NPAS3: variants seen among roughly 807,000 people sequenced by gnomAD.
NPAS3 encodes neuronal PAS domain-containing protein 3.
Under a neutral mutation model 73.1 loss-of-function variants are expected in NPAS3, and 14 were observed. That is an observed-to-expected ratio of 0.19 (90% CI 0.13 to 0.30). NPAS3 has a LOEUF of 0.30. Among genes scored for constraint, NPAS3 ranks in the 10% least tolerant of loss-of-function variants. The pLI is 1.00. For synonymous variants in NPAS3, 620 were observed against 541.5 expected, an observed-to-expected ratio of 1.14 and a Z score of -2.01; for missense variants, 1,096 against 1,250.0, an observed-to-expected ratio of 0.88 and a Z score of 1.86.
chr14:32,945,884 A>G (rs1244935108), intron 1 of NPAS3, among the ~76,000 whole-genome samples: 2 of 152,226 alleles, frequency 1.3e-5, no homozygotes, highest in Non-Finnish European at 2.9e-5. Context: ...GAGTGGTGCC[A>G]GAAGAATCAG....
At chr14:33,707,713 G>A (rs1408383658) in intron 6 of NPAS3, among the ~76,000 whole-genome samples, 2 of 152,116 alleles carry the variant, frequency 1.3e-5, no homozygotes, top group Non-Finnish European at 2.9e-5. Flanking sequence ...GGAGAAGGAA[G>A]AATAAATTCA....
intron 2 of NPAS3, among the ~76,000 whole-genome samples, chr14:33,183,421 G>GGTTTTT (rs2045868671): frequency 1.6e-5 from 1 of 60,764 alleles, no homozygotes; most frequent in African/African-American, 9.6e-5. Context: ...GTGAGACTCT[G>GGTTTTT]TTTTTTTTTT....
At chr14:33,335,039 T>TGC (rs142673312) in intron 3 of NPAS3, among the ~76,000 whole-genome samples, 65,559 of 142,872 alleles carry the variant, frequency 0.46, 14,740 homozygotes, top group Admixed American at 0.5. Flanking sequence ...ATTGTGTGTG[T>TGC]GTGCGTGTGT....
chr14:32,938,469 G>GAGAGAGAGAAAT (rs2035777769), upstream of NPAS3, among the ~76,000 whole-genome samples: 6 of 124,568 alleles, frequency 4.8e-5, no homozygotes, highest in South Asian at 2.9e-4. Context: ...GAGAGAGAGA[G>GAGAGAGAGAAAT]AGAGAGAGAG....
chr14:32,960,155 A>G (rs1212689597), intron 1 of NPAS3, among the ~76,000 whole-genome samples: 1 of 152,086 alleles, frequency 6.6e-6, no homozygotes, highest in African/African-American at 2.4e-5. Context: ...ATCACCCGAG[A>G]GGGTTTACTT....
chr14:33,398,247 C>A (rs1286932364), intron 4 of NPAS3, among the ~76,000 whole-genome samples: 1 of 151,500 alleles, frequency 6.6e-6, no homozygotes, highest in Non-Finnish European at 1.5e-5. Context: ...ATGAAGCAAA[C>A]AGCATGCCAC....
intron 3 of NPAS3, among the ~76,000 whole-genome samples, chr14:33,346,249 G>A (rs2044724552): frequency 6.7e-6 from 1 of 149,102 alleles, no homozygotes; most frequent in African/African-American, 2.5e-5. Context: ...AGTTGATTCC[G>A]GTGGTACAGT....
At chr14:33,125,441 T>A (rs908561856) in intron 2 of NPAS3, among the ~76,000 whole-genome samples, 1 of 152,108 alleles carries the variant, frequency 6.6e-6, no homozygotes, top group Non-Finnish European at 1.5e-5. Context: ...AATGAGATTT[T>A]TTTTTCCTGA....
At chr14:33,212,300 G>C (rs1175802165) in intron 2 of NPAS3, among the ~76,000 whole-genome samples, 2 of 152,112 alleles carry the variant, frequency 1.3e-5, no homozygotes, top group Non-Finnish European at 2.9e-5. Flanking sequence ...CATTCTGAAA[G>C]TCTTCTAAAC....
intron 5 of NPAS3, among the ~76,000 whole-genome samples, chr14:33,577,851 G>A (rs759095815): frequency 1.6e-4 from 25 of 152,194 alleles, no homozygotes; most frequent in Non-Finnish European, 2.5e-4. Flanking sequence ...TAGTCCTTAC[G>A]ACAGCTTGAA....
intron 1 of NPAS3, among the ~76,000 whole-genome samples, chr14:32,961,400 A>C (rs2036910341): frequency 6.7e-6 from 1 of 148,826 alleles, no homozygotes; most frequent in Non-Finnish European, 1.5e-5. Flanking sequence ...ACAGAGCAAG[A>C]CTTCATCTCA....
intron 7 of NPAS3, among the ~76,000 whole-genome samples, chr14:33,759,880 A>G (rs2062229732): frequency 6.6e-6 from 1 of 152,258 alleles, no homozygotes; most frequent in Non-Finnish European, 1.5e-5. Context: ...CATTTAGCAT[A>G]ATGGATATGA....
intron 1 of NPAS3, among the ~76,000 whole-genome samples, chr14:33,026,645 T>C (rs560716011): frequency 6.6e-6 from 1 of 152,332 alleles, no homozygotes; most frequent in Non-Finnish European, 1.5e-5. Context: ...CTGATTTTAC[T>C]TCTTCCTAAC....
At chr14:33,619,602 C>G (rs964446693) in intron 5 of NPAS3, among the ~76,000 whole-genome samples, 6 of 152,162 alleles carry the variant, frequency 3.9e-5, no homozygotes, top group African/African-American at 1.4e-4. Context: ...TATACGTGCA[C>G]ACACGTGCTC....
At chr14:33,399,387 C>T (rs1336731422) in intron 4 of NPAS3, among the ~76,000 whole-genome samples, 1 of 151,906 alleles carries the variant, frequency 6.6e-6, no homozygotes, top group Non-Finnish European at 1.5e-5. Flanking sequence ...GGCAGATGTC[C>T]CTGAAAGTAT....
At chr14:33,712,368 T>A (rs1452655446) in intron 6 of NPAS3, among the ~76,000 whole-genome samples, 3 of 152,206 alleles carry the variant, frequency 2.0e-5, no homozygotes, top group Non-Finnish European at 4.4e-5. Context: ...GCATCTGCTA[T>A]GAATGATATT....
chr14:32,986,190 G>A (rs2038090466), intron 1 of NPAS3, among the ~76,000 whole-genome samples: 1 of 152,262 alleles, frequency 6.6e-6, no homozygotes, highest in African/African-American at 2.4e-5. Flanking sequence ...TGATTTAGAG[G>A]AGAGAATATG....
At chr14:33,684,877 C>G (rs1352048898) in intron 6 of NPAS3, among the ~76,000 whole-genome samples, 1 of 152,174 alleles carries the variant, frequency 6.6e-6, no homozygotes, top group Non-Finnish European at 1.5e-5. Context: ...CAGAGCAGAG[C>G]AATGGTGTTC....
chr14:33,013,522 A>C (rs1424545051), intron 1 of NPAS3, among the ~76,000 whole-genome samples: 2 of 152,132 alleles, frequency 1.3e-5, no homozygotes, highest in African/African-American at 4.8e-5. Flanking sequence ...TAAAGACAAA[A>C]ACCTGTGACC....
Sources: gnomAD v4.1 joint callset for allele counts (sites outside exome capture counted in the v4.1 genomes callset) on GRCh38, gnomAD v4.1.1 for gene constraint, MANE v1.5 for transcripts, NCBI Gene and HGNC (gene_info 2026-07-23, HGNC 2026-07-21) for gene names.